HEATR6: variants seen among roughly 807,000 people sequenced by gnomAD.
HEATR6 encodes the protein HEAT repeat-containing protein 6.
HEATR6 carries 106 observed loss-of-function variants against 132.8 expected under a neutral mutation model. The observed-to-expected ratio is 0.80, with a 90% CI of 0.68 to 0.94. The LOEUF is 0.94. HEATR6 is among the 40% of genes least tolerant of loss of function. HEATR6 has a pLI of 0.00. For missense variants in HEATR6, 1,339 were observed against 1,425.1 expected (o/e 0.94, Z 0.97); for synonymous variants, 529 against 537.8 (o/e 0.98, Z 0.23).
Position 60,057,375 on chromosome 17 carries a change from T to TGC in HEATR6, c.1751_1752insGC (p.Leu585HisfsTer6). 15 of 1,604,704 alleles carry TGC rather than the reference T, an allele frequency of 9.3e-6. No individual in the cohort carries two copies. Among genetic ancestry groups the TGC allele is most frequent in the African/African-American group, 1.3e-5 (1 of 74,738 alleles). On this transcript the variant is annotated frameshift_variant, in exon 12 of 20. Transcript: ENST00000184956. ...GGGTGGACACTATAGCTCCCAAGAG[T>TGC]GTGAGACTTGACACACGAACATTAA...
intron 9 of HEATR6, among the ~76,000 whole-genome samples, chr17:60,064,173 G>T (rs548880571): frequency 6.6e-6 from 1 of 152,106 alleles, no homozygotes; most frequent in Admixed American, 6.5e-5. Flanking sequence ...GCCAGGCATG[G>T]TGGTGCATGC....
chr17:60,075,406 G>A (rs1214924352), intron 2 of HEATR6, among the ~76,000 whole-genome samples: 1 of 152,060 alleles, frequency 6.6e-6, no homozygotes, highest in Non-Finnish European at 1.5e-5. Context: ...TCTGCTTATT[G>A]CAGCCAAAAG....
At chr17:60,065,604 T>G (rs2083236371) in intron 9 of HEATR6, among the ~76,000 whole-genome samples, 1 of 152,360 alleles carries the variant, frequency 6.6e-6, no homozygotes, top group East Asian at 1.9e-4. Context: ...CCATGAGATA[T>G]CTTGCTATAG....
At chr17:60,056,941 C>A (rs773489678) in intron 12 of HEATR6, 107 bp downstream of exon 12, 2 of 739,176 alleles carry the variant, frequency 2.7e-6, no homozygotes, top group Non-Finnish European at 4.4e-6. Flanking sequence ...ACAATTCCCA[C>A]GAACACAATT....
At chr17:60,049,105 G>C (rs1007384552) in intron 16 of HEATR6, among the ~76,000 whole-genome samples, 1 of 145,372 alleles carries the variant, frequency 6.9e-6, no homozygotes, top group African/African-American at 2.6e-5. Context: ...TATATGTAGA[G>C]AGAGAGAGAG....
intron 13 of HEATR6, among the ~76,000 whole-genome samples, chr17:60,055,897 T>A (rs1243405494): frequency 2.0e-5 from 3 of 152,236 alleles, no homozygotes; most frequent in Non-Finnish European, 4.4e-5. Context: ...CTATATCTTA[T>A]TAATTTGTTA....
chr17:60,057,134 T>C lies in HEATR6; in HGVS notation c.1993A>G (p.Lys665Glu). Residue 665 changes from lysine to glutamate, a missense_variant, in exon 12 of 20, where the codon AAG becomes GAG. Physicochemically the swap from Lys to Glu is moderately conservative, Grantham distance 56. Coordinates refer to ENST00000184956, the MANE Select transcript of HEATR6 (RefSeq NM_022070.5). ...TCGCTACCTGAACAGGAATCCTCCT[T>C]GGGCAGTACGACAATGGAAATGCAG... Reference protein sequence around the residue: ...RLCISIVVLPKEDSCSGSDAG... With the variant: ...RLCISIVVLPEEDSCSGSDAG... 6.2e-7 allele frequency: 1 copy of C among 1,614,140 alleles called. No individual in the cohort carries two copies. The highest frequency in any genetic ancestry group is 8.5e-7 in the Non-Finnish European group (1 of 1,180,020).
At chr17:60,074,521 ACC>A (rs2083287456) in intron 2 of HEATR6, among the ~76,000 whole-genome samples, 7 of 152,208 alleles carry the variant, frequency 4.6e-5, no homozygotes, top group African/African-American at 1.7e-4. Context: ...TACAGAAGCT[ACC>A]TCATGTTAGT....
chr17:60,061,785 G>A (rs908499602), intron 9 of HEATR6, among the ~76,000 whole-genome samples: 2 of 152,220 alleles, frequency 1.3e-5, no homozygotes, highest in Admixed American at 6.5e-5. Flanking sequence ...TTTGCCCTAC[G>A]GGCCACAGCT....
At chr17:60,068,574 T>C (rs2083254298) in intron 7 of HEATR6, among the ~76,000 whole-genome samples, 1 of 149,798 alleles carries the variant, frequency 6.7e-6, no homozygotes, top group South Asian at 2.2e-4. Context: ...CTCAGCCTCC[T>C]GTACAAGAAT....
chr17:60,072,396 T>C (rs561811824), intron 4 of HEATR6, 67 bp from the exon 5 acceptor site: 3 of 813,358 alleles, frequency 3.7e-6, no homozygotes, highest in Non-Finnish European at 6.1e-6. Flanking sequence ...AAAAGACTAA[T>C]TAAAAATAGC....
Position 60,069,807 on chromosome 17 carries a change from C to A in HEATR6, c.843G>T (p.Met281Ile). The A allele has an allele frequency of 6.2e-7, 1 of 1,613,978 alleles. No individual in the cohort carries two copies. Reference protein sequence around the residue: ...FHGLPGLNIEMPTVLYPTPLP... With the variant: ...FHGLPGLNIEIPTVLYPTPLP... The stretch of plus-strand genomic sequence containing the variant: ...GCGGAGTTGGGTATAACACCGTGGG[C>A]ATCTCTATGTTTAGTCCAGGGAGTC... The change falls in exon 7 of 20, where the codon ATG (methionine) becomes ATT (isoleucine). Residue 281 changes from methionine to isoleucine, a missense_variant. Met to Ile is a conservative substitution (Grantham distance 10). Coordinates refer to ENST00000184956, the MANE Select transcript of HEATR6 (RefSeq NM_022070.5).
At chr17:60,052,454 AGT>A (rs1251776431) in intron 14 of HEATR6, among the ~76,000 whole-genome samples, 1 of 152,192 alleles carries the variant, frequency 6.6e-6, no homozygotes, top group Non-Finnish European at 1.5e-5. Flanking sequence ...ACACTACCTG[AGT>A]GTGAACAGTT....
chr17:60,070,742 C>T lies in HEATR6; in HGVS notation c.765G>A (p.Gln255=), dbSNP rs1208866661. Reference sequence around the variant, plus strand: ...CTAAAAGTGCTCCAAGTTCATCAGTCTGTGTTAGTTTCATTCTCCCACCAT... The same window carrying T: ...CTAAAAGTGCTCCAAGTTCATCAGTTTGTGTTAGTTTCATTCTCCCACCAT... ...LLNGGRMKLT[Q]TDELGALLAV... is the part of the protein sequence containing the mutation. Residue 255 remains glutamine (Q), a synonymous_variant, in exon 6 of 20, where the codon CAG becomes CAA. Coordinates refer to ENST00000184956, the MANE Select transcript of HEATR6 (RefSeq NM_022070.5). The T allele has an allele frequency of 6.2e-7, 1 of 1,608,988 alleles. No individual in the cohort carries two copies. Among genetic ancestry groups the T allele is most frequent in the Non-Finnish European group, 8.5e-7 (1 of 1,175,516 alleles).
intron 8 of HEATR6, 139 bp from the exon 9 acceptor site, chr17:60,066,525 T>A: frequency 3.0e-6 from 2 of 656,720 alleles, no homozygotes; most frequent in East Asian, 2.9e-5. Flanking sequence ...TTCCTAAAGA[T>A]GTCAATGTGT....
At position 60,066,231 on chromosome 17, in the gene HEATR6, G is replaced by T. The variant is rs1167021619; in HGVS notation, c.1394C>A (p.Thr465Lys). The T allele has an allele frequency of 3.1e-6, 5 of 1,613,532 alleles. No homozygotes were observed. The African/African-American group carries it at 4.0e-5, about 13-fold the overall frequency. The change falls in exon 9 of 20, where the codon ACA becomes AAA. Residue 465 changes from threonine (T) to lysine (K), a missense_variant. By Grantham distance (78) the Thr-to-Lys change is moderately conservative (BLOSUM62 -1). Transcript: ENST00000184956. Reference sequence around the variant, plus strand: ...TACCTTTGGAGAAGGGTCTTTCAATGTAAGAGTCATCAAGGACACTGACTG... The same window carrying T: ...TACCTTTGGAGAAGGGTCTTTCAATTTAAGAGTCATCAAGGACACTGACTG... Reference protein sequence around the residue: ...SPQSVSLMTLTLKDPSPKTRA... With the variant: ...SPQSVSLMTLKLKDPSPKTRA...
chr17:60,073,355 T>C (rs772242662), intron 3 of HEATR6, 76 bp from the exon 4 acceptor site: 10 of 891,046 alleles, frequency 1.1e-5, no homozygotes, highest in East Asian at 2.5e-5. Context: ...GATTTCTTCT[T>C]TCTTTTTTTA....
chr17:60,067,518 G>C lies in HEATR6; in HGVS notation c.1154C>G (p.Ser385Cys). The C allele has an allele frequency of 6.2e-7, 1 of 1,612,576 alleles. No homozygotes were observed. The highest frequency in any genetic ancestry group is 1.1e-5 in the South Asian group (1 of 90,722). The change falls in exon 8 of 20, where the codon TCC becomes TGC. Residue 385 changes from serine to cysteine, a missense_variant. Ser to Cys is a moderately radical substitution (Grantham distance 112). Coordinates refer to ENST00000184956, the MANE Select transcript of HEATR6 (RefSeq NM_022070.5). ...GAAEKDGVSS[S>C]FSSSSWKRVS... is the part of the protein sequence containing the mutation. ...CCTTTTCCAACTGGAAGAACTGAAG[G>C]ATGAGGAGACTCCATCTTTTTCTGC...
chr17:60,055,657 T>G, intron 13 of HEATR6, 56 bp from the exon 14 acceptor site: 2 of 1,239,708 alleles, frequency 1.6e-6, no homozygotes, highest in Non-Finnish European at 2.3e-6. Flanking sequence ...ATGACTTCAC[T>G]TGAGTAACAC....
Sources: gnomAD v4.1 joint callset for allele counts (sites outside exome capture counted in the v4.1 genomes callset) on GRCh38, gnomAD v4.1.1 for gene constraint, MANE v1.5 for transcripts, NCBI Gene and HGNC (gene_info 2026-07-23, HGNC 2026-07-21) for gene names.